The following ODAD2 variants were observed in gnomAD, a reference collection of about 807,000 sequenced individuals.
ODAD2 encodes the protein outer dynein arm docking complex subunit 2.
Under a neutral mutation model 106.8 loss-of-function variants are expected in ODAD2, and 89 were observed. That is an observed-to-expected ratio of 0.83 (90% CI 0.70 to 0.99). ODAD2 has a LOEUF of 0.99. Ranked by LOEUF, ODAD2 falls within the 50% of genes least tolerant of loss-of-function variation. ODAD2 has a pLI of 0.00. For missense variants in ODAD2, 1,168 were observed against 1,238.5 expected (o/e 0.94, Z 0.85); for synonymous variants, 404 against 436.2 (o/e 0.93, Z 0.92).
chr10:27,850,732 A>G (rs74493657), intron 19 of ODAD2, among the ~76,000 whole-genome samples: 8,226 of 152,302 alleles, frequency 0.054, 320 homozygotes, highest in East Asian at 0.17. Context: ...TAATTTAAAA[A>G]TGGAAAAAAA....
chr10:27,912,953 C>G (rs1031435616), intron 16 of ODAD2, among the ~76,000 whole-genome samples: 2 of 152,044 alleles, frequency 1.3e-5, no homozygotes, highest in Non-Finnish European at 2.9e-5. Context: ...TATGGGACAA[C>G]AAATTTGGAG....
At chr10:27,858,599 T>C (rs1839822019) in intron 19 of ODAD2, among the ~76,000 whole-genome samples, 1 of 152,012 alleles carries the variant, frequency 6.6e-6, no homozygotes, top group South Asian at 2.1e-4. Flanking sequence ...ATTGCCTTTC[T>C]TTTTCTAATT....
At chr10:27,872,903 A>G (rs10218312) in intron 17 of ODAD2, among the ~76,000 whole-genome samples, 1 of 151,952 alleles carries the variant, frequency 6.6e-6, no homozygotes, top group African/African-American at 2.4e-5. Flanking sequence ...CTCTTTTTCT[A>G]TTGATTGGAA....
chr10:27,959,639 CGACAGGTTAATCTT>C (rs1847983393), intron 10 of ODAD2, among the ~76,000 whole-genome samples: 1 of 152,056 alleles, frequency 6.6e-6, no homozygotes, highest in African/African-American at 2.4e-5. Flanking sequence ...TCCAAATTCC[CGACAGGTTAATCTT>C]CAAGATTCAG....
chr10:27,945,691 C>A (rs533907538), intron 10 of ODAD2, among the ~76,000 whole-genome samples: 1 of 152,258 alleles, frequency 6.6e-6, no homozygotes, highest in East Asian at 1.9e-4. Flanking sequence ...GTAAACCAGA[C>A]CTGCCAGGAG....
chr10:27,993,164 C>T (rs1850334984), intron 2 of ODAD2, among the ~76,000 whole-genome samples: 2 of 152,124 alleles, frequency 1.3e-5, no homozygotes, highest in African/African-American at 4.8e-5. Context: ...ATCTGCCCAC[C>T]TCGGCCTTTC....
chr10:27,920,243 A>C (rs886454721), intron 16 of ODAD2, among the ~76,000 whole-genome samples: 1 of 152,144 alleles, frequency 6.6e-6, no homozygotes, highest in South Asian at 2.1e-4. Flanking sequence ...TAATTTACTA[A>C]TGTGTTAATT....
chr10:27,867,452 GCAT>G (rs1203171352), intron 17 of ODAD2, among the ~76,000 whole-genome samples: 4 of 152,140 alleles, frequency 2.6e-5, no homozygotes, highest in African/African-American at 9.7e-5. Context: ...ACACGGAATA[GCAT>G]CATCCAAATT....
intron 19 of ODAD2, among the ~76,000 whole-genome samples, chr10:27,850,014 A>G (rs1425832723): frequency 6.6e-6 from 1 of 152,188 alleles, no homozygotes; most frequent in Non-Finnish European, 1.5e-5. Context: ...ACGGTTTGAA[A>G]TCTACTAATC....
chr10:27,958,543 C>T (rs1353624421), intron 10 of ODAD2, among the ~76,000 whole-genome samples: 1 of 152,134 alleles, frequency 6.6e-6, no homozygotes, highest in Non-Finnish European at 1.5e-5. Flanking sequence ...GAGACTTTCC[C>T]TCCCTGTATT....
At chr10:27,992,506 T>C (rs1361836949) in intron 2 of ODAD2, among the ~76,000 whole-genome samples, 4 of 151,922 alleles carry the variant, frequency 2.6e-5, no homozygotes, top group Admixed American at 6.6e-5. Context: ...CAGAGCAACA[T>C]GGTGAGATCC....
intron 17 of ODAD2, among the ~76,000 whole-genome samples, chr10:27,875,087 C>T (rs922427942): frequency 3.9e-5 from 6 of 152,154 alleles, no homozygotes; most frequent in Non-Finnish European, 5.9e-5. Context: ...CTTCTCTTCT[C>T]GCTTCATTTC....
chr10:27,944,679 G>T, intron 11 of ODAD2, 137 bp downstream of exon 11: 1 of 1,117,238 alleles, frequency 9.0e-7, no homozygotes, highest in Non-Finnish European at 1.3e-6. Context: ...TCAGTGAACA[G>T]AATCAGCAGG....
chr10:27,987,517 A>G lies in ODAD2; in HGVS notation c.251T>C (p.Val84Ala), dbSNP rs549455667. Reference protein sequence around the residue: ...VSETTVKSEEVDKNGQPLLFL... With the variant: ...VSETTVKSEEADKNGQPLLFL... ...TAGCAAAGGCTGTCCATTTTTATCAACTTCTTCTGATTTGACTGTTGTTTC... is the reference window on the plus strand; with the variant it reads ...TAGCAAAGGCTGTCCATTTTTATCAGCTTCTTCTGATTTGACTGTTGTTTC... The change falls in exon 3 of 20, where the codon GTT becomes GCT. Residue 84 changes from valine to alanine, a missense_variant. Coordinates refer to ENST00000305242, the MANE Select transcript of ODAD2 (RefSeq NM_018076.5). 64 of 1,611,992 alleles carry G rather than the reference A, an allele frequency of 4.0e-5. No homozygotes were observed. The highest frequency in any genetic ancestry group is 1.7e-4 in the Middle Eastern group (1 of 6,054).
At chr10:27,858,762 G>A (rs905979758) in intron 19 of ODAD2, among the ~76,000 whole-genome samples, 2 of 151,036 alleles carry the variant, frequency 1.3e-5, no homozygotes, top group Non-Finnish European at 2.9e-5. Context: ...TATACACCAG[G>A]CATTTATGTC....
chr10:27,921,109 G>T (rs1315308202), intron 16 of ODAD2, among the ~76,000 whole-genome samples: 1 of 152,028 alleles, frequency 6.6e-6, no homozygotes, highest in Non-Finnish European at 1.5e-5. Flanking sequence ...TATGTAAATT[G>T]TTAGGTAACA....
chr10:27,906,017 G>A (rs190084053), intron 17 of ODAD2, among the ~76,000 whole-genome samples: 1 of 152,272 alleles, frequency 6.6e-6, no homozygotes, highest in East Asian at 1.9e-4. Flanking sequence ...ATTGACAAAT[G>A]GGATTGAATT....
At chr10:27,982,175 T>TAA (rs969069528) in intron 6 of ODAD2, among the ~76,000 whole-genome samples, 1 of 151,978 alleles carries the variant, frequency 6.6e-6, no homozygotes, top group African/African-American at 2.4e-5. Context: ...TATATATATA[T>TAA]AATGTATACA....
At position 27,922,153 on chromosome 10, in the gene ODAD2, CA is replaced by C. The variant is rs34021438; in HGVS notation, c.2495+12856del. ...TGGGTGACAGAGTGAAACTCTGCCT[CA>C]AAAAAAAAAAAAAAGAAAGAAAACA... On this transcript the variant is annotated intron_variant, in intron 16 of 19. Transcript: ENST00000305242. Among the ~76,000 whole-genome samples, 110 of 107,606 alleles carry C rather than the reference CA, an allele frequency of 1.0e-3. 1 individual carries two copies. The highest frequency in any genetic ancestry group is 1.8e-3 in the African/African-American group (47 of 26,122). 70.6% of individuals were successfully genotyped at this position (107,606 alleles called of 152,430 possible).
Sources: allele counts gnomAD v4.1 joint callset (sites outside exome capture counted in the v4.1 genomes callset), GRCh38; gene constraint gnomAD v4.1.1; transcripts MANE v1.5; gene names NCBI Gene and HGNC (gene_info 2026-07-23, HGNC 2026-07-21).